Variants in TBC1D2 observed in about 807,000 individuals in gnomAD.
The protein encoded by TBC1D2 is TBC1 domain family member 2A.
TBC1D2 carries 58 observed loss-of-function variants against 91.1 expected under a neutral mutation model. That is an observed-to-expected ratio of 0.64 (90% confidence interval 0.52 to 0.79). The LOEUF is 0.79. TBC1D2 is among the 30% of genes least tolerant of loss of function. The probability of loss-of-function intolerance (pLI) is 0.00; values close to 1 mark genes in which losing one functional copy is unlikely to be tolerated. For synonymous variants in TBC1D2, 482 were observed against 511.5 expected, an observed-to-expected ratio of 0.94 and a Z score of 0.78; for missense variants, 1,080 against 1,208.3, an observed-to-expected ratio of 0.89 and a Z score of 1.57.
chr9:98,221,131 A>G lies in TBC1D2; in HGVS notation c.1076T>C (p.Leu359Pro), dbSNP rs996612135. The change falls in exon 6 of 13, where the codon CTG (leucine) becomes CCG (proline). Residue 359 changes from leucine to proline, a missense_variant. Physicochemically the swap from Leu to Pro is moderately conservative, Grantham distance 98 (BLOSUM62 -3). Transcript: ENST00000465784. ...CCGCACTTTGTGCCGCACCAGCTCC[A>G]GCCGGTCCTTGTCCTCAGCCGCCGC... ...YLAAAEDKDR[L>P]ELVRHKVRQI... 1.3e-6 allele frequency: 2 copies of G among 1,589,980 alleles called. No homozygotes were observed. The highest frequency in any genetic ancestry group is 1.1e-5 in the South Asian group (1 of 88,596).
In TBC1D2 at chr9:98,251,874, C is replaced by A. The variant is rs755332434; in HGVS notation, c.422G>T (p.Arg141Leu). The change falls in exon 2 of 13, where the codon CGC becomes CTC. Residue 141 changes from arginine (R) to leucine (L), a missense_variant. Arg to Leu is a moderately radical substitution (Grantham distance 102). Coordinates refer to ENST00000465784, the MANE Select transcript of TBC1D2 (RefSeq NM_001267571.2). ...CGGCGGGCTGTTGTGGAATTCCCAG[C>A]GCTTCATCTGCAGCTGCTGCAGCCA... ...LYWLQQLQMK[R>L]WEFHNSPPAP... 3.7e-6 allele frequency: 6 copies of A among 1,603,568 alleles called. No individual in the cohort carries two copies. The highest frequency in any genetic ancestry group is 1.1e-5 in the South Asian group (1 of 89,992).
chr9:98,213,347 G>C (rs1318916583), intron 6 of TBC1D2, 129 bp from the exon 7 acceptor site: 2 of 1,492,372 alleles, frequency 1.3e-6, no homozygotes, highest in Non-Finnish European at 1.8e-6. Flanking sequence ...AACAGAAGAG[G>C]AAGTCTGAAA....
intron 7 of TBC1D2, 144 bp downstream of exon 7, chr9:98,212,964 C>T: frequency 1.2e-6 from 1 of 835,562 alleles, no homozygotes; most frequent in East Asian, 2.7e-5. Context: ...TGGAGAAGAA[C>T]CTGATATGGG....
Position 98,224,035 on chromosome 9 carries a change from T to TAA in TBC1D2, c.979-2809_979-2808dup, listed in dbSNP as rs1262650396. On this transcript the variant is annotated intron_variant, in intron 5 of 12. Coordinates refer to ENST00000465784, the MANE Select transcript of TBC1D2 (RefSeq NM_001267571.2). ...TAACATGGTGAAACCCCGTCTCTACTAAAAATACAAAAAAATTAGCCAGGC... is the reference window on the plus strand; with the variant it reads ...TAACATGGTGAAACCCCGTCTCTACTAAAAAAATACAAAAAAATTAGCCAGGC... Among the ~76,000 whole-genome samples, 5 of 151,824 alleles carry TAA rather than the reference T, an allele frequency of 3.3e-5. No individual in the cohort carries two copies. In the East Asian group the frequency reaches 7.8e-4, roughly 24 times the overall value.
chr9:98,243,975 C>A lies in TBC1D2; in HGVS notation c.647+19G>T. On this transcript the variant is annotated intron_variant, in intron 3 of 12. Coordinates refer to ENST00000465784, the MANE Select transcript of TBC1D2 (RefSeq NM_001267571.2). ...GCTGCCTGCAGCTTGGCTAGCCCCT[C>A]AGCTCCACTGGCACTTACTGTATTT... is the stretch of plus-strand genomic sequence containing the variant. The A allele has an allele frequency of 6.3e-7, 1 of 1,590,912 alleles. No individual in the cohort carries two copies. Among genetic ancestry groups the A allele is most frequent in the South Asian group, 1.1e-5 (1 of 87,420 alleles).
intron 6 of TBC1D2, among the ~76,000 whole-genome samples, chr9:98,219,003 C>G (rs1347170630): frequency 6.6e-6 from 1 of 152,194 alleles, no homozygotes; most frequent in Non-Finnish European, 1.5e-5. Flanking sequence ...GGGCTGAGAG[C>G]TTTCTAATCA....
chr9:98,249,175 C>T (rs867401979), intron 2 of TBC1D2, among the ~76,000 whole-genome samples: 21 of 152,148 alleles, frequency 1.4e-4, no homozygotes, highest in South Asian at 6.2e-4. Context: ...GGCCCTGGGT[C>T]TGGGAGGAGA....
intron 5 of TBC1D2, among the ~76,000 whole-genome samples, chr9:98,225,508 C>T (rs1400413552): frequency 1.3e-5 from 2 of 152,164 alleles, no homozygotes; most frequent in Non-Finnish European, 2.9e-5. Context: ...AGCCCAGCCT[C>T]TAGACTTGGA....
At position 98,208,690 on chromosome 9, in the gene TBC1D2, C is replaced by T. The variant is rs565803482; in HGVS notation, c.2128G>A (p.Gly710Ser). 7.6e-5 allele frequency: 117 copies of T among 1,531,730 alleles called. No homozygotes were observed. In the South Asian group the frequency reaches 1.2e-3, roughly 15 times the overall value. The allele number at this position is 1,531,730 out of a possible 1,614,324, so 94.9% of individuals were successfully genotyped here. The change falls in exon 9 of 13, where the codon GGC becomes AGC. Residue 710 changes from glycine to serine, a missense_variant. Coordinates refer to ENST00000465784, the MANE Select transcript of TBC1D2 (RefSeq NM_001267571.2). ...LAFSWQNPTI[G>S]YCQGLNRLAA... is the part of the protein sequence containing the mutation. ...TACCTGTTCAGGCCCTGGCAGTAGC[C>T]GATGGTGGGGTTCTGCCAGGAGAAG...
intron 5 of TBC1D2, among the ~76,000 whole-genome samples, chr9:98,222,668 C>T (rs535102617): frequency 2.5e-4 from 38 of 152,336 alleles, no homozygotes; most frequent in African/African-American, 8.7e-4. Flanking sequence ...GCCAGGTCCA[C>T]GTGGAACTAA....
rs1395099779 is a variant in TBC1D2 at position 98,199,044 on chromosome 9, A to G, written c.*337T>C. On this transcript the variant is annotated 3_prime_UTR_variant, in exon 13 of 13. Coordinates refer to ENST00000465784, the MANE Select transcript of TBC1D2 (RefSeq NM_001267571.2). The stretch of plus-strand genomic sequence containing the variant: ...CCAAAGCTTATGAATGATTTCCACC[A>G]TTTACATTGTTTTATATTGATATAA... 7.2e-6 allele frequency: 3 copies of G among 414,110 alleles called. No homozygotes were observed. The highest frequency in any genetic ancestry group is 6.4e-5 in the South Asian group (2 of 31,368). The allele number at this position is 414,110 out of a possible 1,614,324, so 25.7% of individuals were successfully genotyped here.
At chr9:98,216,379 C>G (rs907666778) in intron 6 of TBC1D2, among the ~76,000 whole-genome samples, 1 of 152,182 alleles carries the variant, frequency 6.6e-6, no homozygotes, top group Non-Finnish European at 1.5e-5. Flanking sequence ...ACAAGCCCCC[C>G]CGCAAGGGAG....
intron 6 of TBC1D2, among the ~76,000 whole-genome samples, chr9:98,215,522 TTTTG>T (rs1275032484): frequency 2.0e-5 from 3 of 152,182 alleles, no homozygotes; most frequent in Admixed American, 6.5e-5. Flanking sequence ...GTCTGATTCT[TTTTG>T]TTTGTTTGTC....
chr9:98,243,231 A>G (rs1444018846), intron 3 of TBC1D2, among the ~76,000 whole-genome samples: 1 of 152,158 alleles, frequency 6.6e-6, no homozygotes, highest in Non-Finnish European at 1.5e-5. Flanking sequence ...TGCTTTTGAC[A>G]TGTATAGACA....
chr9:98,245,571 G>GA lies in TBC1D2; in HGVS notation c.512-1443dup, dbSNP rs948161607. On this transcript the variant is annotated intron_variant, in intron 2 of 12. Coordinates refer to ENST00000465784, the MANE Select transcript of TBC1D2 (RefSeq NM_001267571.2). Reference sequence around the variant, plus strand: ...AACAGAGTAAGACCCCGCCTCAAAAGAAAAAAAAAATTGGGGTTATAGTGT... The same window carrying GA: ...AACAGAGTAAGACCCCGCCTCAAAAGAAAAAAAAAAATTGGGGTTATAGTGT... Among the ~76,000 whole-genome samples, 26 of 148,728 alleles carry GA rather than the reference G, an allele frequency of 1.7e-4. No individual in the cohort carries two copies. The East Asian group carries it at 2.1e-3, about 12-fold the overall frequency.
chr9:98,236,043 GA>G (rs752712702), intron 3 of TBC1D2, among the ~76,000 whole-genome samples: 42 of 140,170 alleles, frequency 3.0e-4, no homozygotes, highest in Admixed American at 5.7e-4. Flanking sequence ...CTCAAAAGAG[GA>G]AAAAAAAAAA....
rs1020116518 is a variant in TBC1D2 at position 98,220,876 on chromosome 9, T to A, written c.1331A>T (p.Asn444Ile). 6.2e-7 allele frequency: 1 copy of A among 1,614,132 alleles called. No homozygotes were observed. Among genetic ancestry groups the A allele is most frequent in the Non-Finnish European group, 8.5e-7 (1 of 1,179,998 alleles). The change falls in exon 6 of 13, where the codon AAC becomes ATC. Residue 444 changes from asparagine (N) to isoleucine (I), a missense_variant. Coordinates refer to ENST00000465784, the MANE Select transcript of TBC1D2 (RefSeq NM_001267571.2). The stretch of plus-strand genomic sequence containing the variant: ...CCCCTGCTGGCTCAGGAAGTCCCTG[T>A]TGGCAGCGTCGGGGCGCAAAGGAGA... ...DQSPLRPDAA[N>I]RDFLSQQGKI...
Position 98,210,668 on chromosome 9 carries a change from A to C in TBC1D2, c.1661T>G (p.Leu554Arg), listed in dbSNP as rs750350144. Reference protein sequence around the residue: ...AGEASSDSIELSPISKYDEYG... With the variant: ...AGEASSDSIERSPISKYDEYG... The stretch of plus-strand genomic sequence containing the variant: ...CCGCCAGGCTCACCTGATGGGGCTC[A>C]GCTCGATGCTGTCAGATGAGGCCTC... Residue 554 changes from leucine to arginine, a missense_variant, in exon 8 of 13, where the codon CTG becomes CGG. Transcript: ENST00000465784. The C allele has an allele frequency of 6.3e-6, 10 of 1,595,208 alleles. No individual in the cohort carries two copies. Among genetic ancestry groups the C allele is most frequent in the Non-Finnish European group, 8.6e-6 (10 of 1,169,242 alleles).
At chr9:98,251,981 G>C in intron 1 of TBC1D2, 55 bp from the exon 2 acceptor site, 1 of 1,550,302 alleles carries the variant, frequency 6.5e-7, no homozygotes, top group African/African-American at 1.4e-5. Flanking sequence ...GTGGCACTGG[G>C]TGCAGGAAGA....
Sources: gnomAD v4.1 joint callset for allele counts (sites outside exome capture counted in the v4.1 genomes callset) on GRCh38, gnomAD v4.1.1 for gene constraint, MANE v1.5 for transcripts, NCBI Gene and HGNC (gene_info 2026-07-23, HGNC 2026-07-21) for gene names.